Variants in SMARCA5 observed in about 807,000 individuals in gnomAD.
SMARCA5 encodes the protein SWI/SNF-related matrix-associated actin-dependent regulator of chromatin subfamily A member 5.
A neutral mutation model predicts 140.4 loss-of-function variants in SMARCA5; 18 were observed. The observed-to-expected ratio is 0.13, with a 90% confidence interval of 0.09 to 0.19. SMARCA5 has a LOEUF of 0.19. SMARCA5 is among the 10% of genes least tolerant of loss of function. The pLI is 1.00. For missense variants in SMARCA5, 606 were observed against 1,276.8 expected (o/e 0.47, Z 8.01); for synonymous variants, 449 against 419.6 (o/e 1.07, Z -0.86).
chr4:143,530,163 A>G (rs1737157117), intron 8 of SMARCA5, among the ~76,000 whole-genome samples: 1 of 152,232 alleles, frequency 6.6e-6, no homozygotes, highest in African/African-American at 2.4e-5. Context: ...CTTGAAAGAT[A>G]CTTTACAAGA....
intron 2 of SMARCA5, among the ~76,000 whole-genome samples, chr4:143,520,597 CTT>C (rs1461665718): frequency 1.3e-5 from 2 of 152,134 alleles, no homozygotes; most frequent in Non-Finnish European, 2.9e-5. Context: ...GGTAAAATGT[CTT>C]TTTGTAATTT....
At chr4:143,515,939 A>G (rs1424596905) in intron 1 of SMARCA5, among the ~76,000 whole-genome samples, 4 of 150,868 alleles carry the variant, frequency 2.7e-5, no homozygotes, top group Admixed American at 6.6e-5. Flanking sequence ...TTTTTTATCC[A>G]TCTTATCACT....
chr4:143,548,200 G>A, intron 22 of SMARCA5, 60 bp downstream of exon 22: 1 of 1,003,992 alleles, frequency 1.0e-6, no homozygotes, highest in Non-Finnish European at 1.5e-6. Context: ...GTCATCTTTG[G>A]TATTCTTTAA....
rs1289914448 is a variant in SMARCA5, at chr4:143,525,469, T to A, written c.539T>A (p.Leu180Gln). ...DSPSYVKWGK[L>Q]RDYQVRGLNW... ...TTCTTAGATGTAAAATGGGGTAAACTGAGAGATTATCAGGTCCGAGGATTA... is the reference window on the plus strand; with the variant it reads ...TTCTTAGATGTAAAATGGGGTAAACAGAGAGATTATCAGGTCCGAGGATTA... The change falls in exon 5 of 24, where the codon CTG (leucine) becomes CAG (glutamine). Residue 180 changes from leucine to glutamine, a missense_variant. Leu to Gln is a moderately radical substitution (Grantham distance 113). Around this residue, in one of 10 missense-constraint regions of SMARCA5, gnomAD observed 110 missense variants for 287.7 expected, o/e 0.38. Coordinates refer to ENST00000283131, the MANE Select transcript of SMARCA5 (RefSeq NM_003601.4). 6.2e-7 allele frequency: 1 copy of A among 1,612,156 alleles called. No homozygotes were observed. Among genetic ancestry groups the A allele is most frequent in the Non-Finnish European group, 8.5e-7 (1 of 1,178,226 alleles).
chr4:143,521,323 CTTTT>C, intron 2 of SMARCA5, 102 bp from the exon 3 acceptor site: 1 of 586,316 alleles, frequency 1.7e-6, no homozygotes, highest in Non-Finnish European at 2.8e-6. Flanking sequence ...CTGTAGTTCT[CTTTT>C]TTTTTTTGCT....
chr4:143,536,305 T>G (rs1737303422), intron 10 of SMARCA5, 147 bp from the exon 11 acceptor site: 1 of 624,566 alleles, frequency 1.6e-6, no homozygotes, highest in African/African-American at 1.8e-5. Context: ...GTTACAGATG[T>G]TAAATTCCTA....
intron 14 of SMARCA5, 125 bp downstream of exon 14, chr4:143,540,620 G>A: frequency 2.4e-6 from 2 of 816,752 alleles, no homozygotes; most frequent in Non-Finnish European, 3.9e-6. Flanking sequence ...CAGTAGAGAT[G>A]ACTTGTATTG....
rs1737710722 is a variant in SMARCA5, at chr4:143,554,548, T to C, written c.*1364T>C. ...AAAATTTTGATACCTGCAGTATTAC[T>C]AATACTGCTTAATTTCTTGAAATGT... On this transcript the variant is annotated 3_prime_UTR_variant, in exon 24 of 24. Coordinates refer to ENST00000283131, the MANE Select transcript of SMARCA5 (RefSeq NM_003601.4). 2 of 152,470 alleles carry C rather than the reference T, an allele frequency of 1.3e-5. No individual in the cohort carries two copies. The highest frequency in any genetic ancestry group is 4.8e-5 in the African/African-American group (2 of 41,452). The allele number at this position is 152,470 out of a possible 1,614,324, so 9.4% of individuals were successfully genotyped here. A position where few individuals can be genotyped will look rare whatever the true frequency, so the allele number is the denominator to read the frequency against.
chr4:143,538,488 T>A, intron 11 of SMARCA5, 102 bp from the exon 12 acceptor site: 3 of 875,752 alleles, frequency 3.4e-6, no homozygotes, highest in Admixed American at 2.3e-5. Flanking sequence ...ACCAAGTAGG[T>A]AGCTTTGGAA....
chr4:143,540,626 T>G, intron 14 of SMARCA5, 131 bp downstream of exon 14: 1 of 779,364 alleles, frequency 1.3e-6, no homozygotes, highest in South Asian at 1.9e-5. Flanking sequence ...AGATGACTTG[T>G]ATTGCAAATA....
At chr4:143,542,304 G>A (rs1737443976) in intron 14 of SMARCA5, among the ~76,000 whole-genome samples, 3 of 152,280 alleles carry the variant, frequency 2.0e-5, no homozygotes, top group Non-Finnish European at 4.4e-5. Flanking sequence ...TTGTAGACAT[G>A]TTAGTCAAAC....
In SMARCA5 at chr4:143,523,770, G is replaced by T. The variant is rs182058889; in HGVS notation, c.420-597G>T. 8.7e-4 allele frequency among the ~76,000 whole-genome samples: 132 copies of T among 152,300 alleles called. 2 individuals carry two copies. The East Asian group carries it at 0.018, about 21-fold the overall frequency. ...TCTAAATAAGATGAAAATATTTGTT[G>T]AAAGTGTCAGAATTGGGGAGTAAGT... On this transcript the variant is annotated intron_variant, in intron 3 of 23. Transcript: ENST00000283131.
Position 143,544,877 on chromosome 4 carries a change from C to T in SMARCA5, c.2283+30C>T, listed in dbSNP as rs1578803968. On this transcript the variant is annotated intron_variant, in intron 17 of 23. Coordinates refer to ENST00000283131, the MANE Select transcript of SMARCA5 (RefSeq NM_003601.4). ...GTTGACTGACACAGCATAAAAATAT[C>T]TAAAAATTTTGAAAATGTAATTTTT... The T allele has an allele frequency of 3.4e-6, 4 of 1,172,914 alleles. No individual in the cohort carries two copies. In the African/African-American group the frequency reaches 6.3e-5, roughly 18 times the overall value. The allele number at this position is 1,172,914 out of a possible 1,614,324, so 72.7% of individuals were successfully genotyped here.
intron 13 of SMARCA5, 55 bp downstream of exon 13, chr4:143,538,993 C>T (rs920193244): frequency 6.9e-7 from 1 of 1,448,648 alleles, no homozygotes; most frequent in Non-Finnish European, 9.5e-7. Context: ...TTAGTTAGGA[C>T]AGGCTAATTC....
chr4:143,546,575 C>G (rs1737529953), intron 19 of SMARCA5, among the ~76,000 whole-genome samples: 1 of 152,064 alleles, frequency 6.6e-6, no homozygotes, highest in African/African-American at 2.4e-5. Flanking sequence ...CTCAGCCACT[C>G]ATATTTAATT....
intron 2 of SMARCA5, among the ~76,000 whole-genome samples, chr4:143,521,174 C>T (rs1488583050): frequency 1.3e-5 from 2 of 152,176 alleles, no homozygotes; most frequent in African/African-American, 4.8e-5. Context: ...TTCTTGCTCC[C>T]ACCTCCTTGC....
chr4:143,549,554 G>A (rs1406672670), intron 22 of SMARCA5, among the ~76,000 whole-genome samples: 1 of 152,088 alleles, frequency 6.6e-6, no homozygotes, highest in African/African-American at 2.4e-5. Flanking sequence ...GTGATTGATT[G>A]ACTACCATAA....
Position 143,513,823 on chromosome 4 carries a change from C to A in SMARCA5, c.-102C>A, listed in dbSNP as rs1321983881. ...GAGCGCTCGGGTGGGAGTCTCGCTC[C>A]TCCACCAGTTTATTGCGACGTAGCA... On this transcript the variant is annotated 5_prime_UTR_variant, in exon 1 of 24. Transcript: ENST00000283131. The A allele has an allele frequency of 7.4e-7, 1 of 1,350,318 alleles. No individual in the cohort carries two copies. The highest frequency in any genetic ancestry group is 1.0e-6 in the Non-Finnish European group (1 of 1,003,618). The allele number at this position is 1,350,318 out of a possible 1,614,324, so 83.6% of individuals were successfully genotyped here.
At chr4:143,534,999 G>T in intron 10 of SMARCA5, 35 bp downstream of exon 10, 3 of 1,329,132 alleles carry the variant, frequency 2.3e-6, no homozygotes, top group Non-Finnish European at 2.1e-6. Context: ...TAGCACTATT[G>T]ATTCTTCCCT....
Sources: gnomAD v4.1 joint callset for allele counts (sites outside exome capture counted in the v4.1 genomes callset) on GRCh38, gnomAD v4.1.1 for gene constraint, gnomAD v4.1.1 regional missense constraint, MANE v1.5 for transcripts, NCBI Gene and HGNC (gene_info 2026-07-23, HGNC 2026-07-21) for gene names.